Variants in ITGA9 observed in about 807,000 individuals in gnomAD.
ITGA9 encodes integrin subunit alpha 9.
ITGA9 carries 56 observed loss-of-function variants against 127.8 expected under a neutral mutation model. The ratio of observed to expected loss-of-function variants is 0.44; its 90% CI spans 0.35 to 0.55. The LOEUF (loss-of-function observed/expected upper bound fraction) is 0.55, where lower values mean the gene tolerates loss of function less well. ITGA9 is among the 20% of genes least tolerant of loss of function. The pLI is 0.00. For missense variants in ITGA9, 1,196 were observed against 1,347.1 expected, an observed-to-expected ratio of 0.89 and a Z score of 1.76; for synonymous variants, 508 against 514.5, an observed-to-expected ratio of 0.99 and a Z score of 0.17.
chr3:37,513,693 G>A, intron 8 of ITGA9, 70 bp from the exon 9 acceptor site: 1 of 1,598,688 alleles, frequency 6.3e-7, no homozygotes, highest in Non-Finnish European at 8.6e-7. Context: ...CAATGGGGTG[G>A]AGGAAAGCGA....
At chr3:37,546,243 T>G (rs1311319305) in intron 15 of ITGA9, among the ~76,000 whole-genome samples, 1 of 152,188 alleles carries the variant, frequency 6.6e-6, no homozygotes, top group African/African-American at 2.4e-5. Flanking sequence ...AAGTTGCTGA[T>G]AAAGCGCCCA....
chr3:37,536,649 TG>T (rs1029160593), intron 14 of ITGA9, among the ~76,000 whole-genome samples: 1 of 152,226 alleles, frequency 6.6e-6, no homozygotes, highest in Non-Finnish European at 1.5e-5. Flanking sequence ...GAGACCACAG[TG>T]CCTACTTGGT....
intron 17 of ITGA9, 52 bp downstream of exon 17, chr3:37,653,842 C>T (rs781711010): frequency 7.4e-7 from 1 of 1,343,668 alleles, no homozygotes; most frequent in Admixed American, 1.7e-5. Flanking sequence ...TTTTCTTGAC[C>T]CCAGGTCCCA....
intron 17 of ITGA9, among the ~76,000 whole-genome samples, chr3:37,657,172 C>T (rs1310956675): frequency 6.6e-6 from 1 of 152,056 alleles, no homozygotes; most frequent in Non-Finnish European, 1.5e-5. Flanking sequence ...TGTGTCTCTG[C>T]CAGGTTTTGG....
intron 14 of ITGA9, among the ~76,000 whole-genome samples, chr3:37,542,041 GC>G (rs1398431061): frequency 1.3e-5 from 2 of 152,186 alleles, no homozygotes; most frequent in Admixed American, 6.5e-5. Context: ...AATTTCAGCA[GC>G]TTCTGGTAAT....
intron 15 of ITGA9, among the ~76,000 whole-genome samples, chr3:37,590,292 C>G (rs1191826348): frequency 6.6e-6 from 1 of 152,174 alleles, no homozygotes; most frequent in Non-Finnish European, 1.5e-5. Flanking sequence ...CCCTGTTCTC[C>G]TGGCTGGCTT....
At chr3:37,470,004 C>T (rs1698410970) in intron 1 of ITGA9, among the ~76,000 whole-genome samples, 1 of 152,070 alleles carries the variant, frequency 6.6e-6, no homozygotes, top group African/African-American at 2.4e-5. Flanking sequence ...ACCATGTTGC[C>T]CAGACTGGTC....
intron 14 of ITGA9, among the ~76,000 whole-genome samples, chr3:37,534,270 C>G (rs886824118): frequency 6.6e-6 from 1 of 152,158 alleles, no homozygotes; most frequent in African/African-American, 2.4e-5. Flanking sequence ...GGGACCTGAA[C>G]CTACTGACGT....
Position 37,610,277 on chromosome 3 carries a change from AT to A in ITGA9, c.1690-18903del, listed in dbSNP as rs561510867. Among the ~76,000 whole-genome samples, 507 of 152,200 alleles carry A rather than the reference AT, an allele frequency of 3.3e-3. 7 individuals are homozygous for A. Among genetic ancestry groups the A allele is most frequent in the African/African-American group, 0.011 (469 of 41,532 alleles). ...ATTGTATTTACCCCAGAGGAAGATT[AT>A]TTTTTTCATTCTCTAAATTGTTTAA... is the stretch of plus-strand genomic sequence containing the variant. On this transcript the variant is annotated intron_variant, in intron 15 of 27. Coordinates refer to ENST00000264741, the MANE Select transcript of ITGA9 (RefSeq NM_002207.3).
intron 23 of ITGA9, among the ~76,000 whole-genome samples, chr3:37,760,076 C>A (rs1427734872): frequency 6.6e-6 from 1 of 151,782 alleles, no homozygotes; most frequent in African/African-American, 2.4e-5. Flanking sequence ...AAAAAATTAG[C>A]TGGGAGTGGT....
intron 2 of ITGA9, among the ~76,000 whole-genome samples, chr3:37,472,142 C>T (rs1254083315): frequency 6.6e-6 from 1 of 152,172 alleles, no homozygotes; most frequent in African/African-American, 2.4e-5. Flanking sequence ...TGACTGCATT[C>T]AAAGCCCAGC....
rs574305061 is a variant in ITGA9, at chr3:37,521,228, C to G, written c.1236+1874C>G. On this transcript the variant is annotated intron_variant, in intron 11 of 27. Transcript: ENST00000264741. ...AAAAAAAATTCTTTAATGGCAGATT[C>G]TTGCAGGCCCAGGTCCTGGACAGAG... Among the ~76,000 whole-genome samples the G allele has an allele frequency of 2.6e-5, 4 of 152,334 alleles. No individual in the cohort carries two copies. In the South Asian group the frequency reaches 8.3e-4, roughly 32 times the overall value.
rs1696538112 is a variant in ITGA9, at chr3:37,748,598, T to G, written c.2434-1864T>G. ...TCCCGTCTCTACTAAAATACAAAAA[T>G]TAGCCGGGGATGGTGGCAGCCACCT... is the stretch of plus-strand genomic sequence containing the variant. On this transcript the variant is annotated intron_variant, in intron 22 of 27. Coordinates refer to ENST00000264741, the MANE Select transcript of ITGA9 (RefSeq NM_002207.3). The G allele has an allele frequency of 8.4e-6, 4 of 477,180 alleles. No homozygotes were observed. In the South Asian group the frequency reaches 8.9e-5, roughly 11 times the overall value. 29.6% of individuals were successfully genotyped at this position (477,180 alleles called of 1,614,324 possible).
rs1248008353 is a variant in ITGA9 at position 37,822,718 on chromosome 3, A to G, written c.*3729A>G. 6.6e-6 allele frequency: 1 copy of G among 152,230 alleles called. No individual in the cohort carries two copies. Among genetic ancestry groups the G allele is most frequent in the Non-Finnish European group, 1.5e-5 (1 of 68,044 alleles). 9.4% of individuals were successfully genotyped at this position (152,230 alleles called of 1,614,324 possible). On this transcript the variant is annotated 3_prime_UTR_variant, in exon 28 of 28. Transcript: ENST00000264741. Reference sequence around the variant, plus strand: ...CCATGCGGAAGCATAGCAGATCCCCAGACGATCCGTGTGCTGTATGCTACC... The same window carrying G: ...CCATGCGGAAGCATAGCAGATCCCCGGACGATCCGTGTGCTGTATGCTACC...
intron 23 of ITGA9, among the ~76,000 whole-genome samples, chr3:37,764,466 TAAAAAAAAAA>T (rs10694316): frequency 6.7e-5 from 5 of 74,656 alleles, no homozygotes; most frequent in Admixed American, 5.2e-4. Flanking sequence ...AGATTCTCAG[TAAAAAAAAAA>T]AAAAAAAAAA....
intron 15 of ITGA9, among the ~76,000 whole-genome samples, chr3:37,612,634 G>A (rs1700034104): frequency 1.3e-5 from 2 of 152,344 alleles, no homozygotes; most frequent in South Asian, 4.1e-4. Flanking sequence ...CAGATGCCCT[G>A]AATTCTCTTC....
At chr3:37,653,592 A>G (rs1304989987) in intron 16 of ITGA9, 122 bp from the exon 17 acceptor site, 1 of 797,668 alleles carries the variant, frequency 1.3e-6, no homozygotes, top group African/African-American at 1.7e-5. Context: ...TGGAGGTGGG[A>G]GTAGAAGCCC....
rs770449623 is a variant in ITGA9 at position 37,819,026 on chromosome 3, G to A, written c.*37G>A. 32 of 1,392,596 alleles carry A rather than the reference G, an allele frequency of 2.3e-5. No individual in the cohort carries two copies. In the South Asian group the frequency reaches 3.7e-4, roughly 16 times the overall value. 86.3% of individuals were successfully genotyped at this position (1,392,596 alleles called of 1,614,324 possible). A position where few individuals can be genotyped will look rare whatever the true frequency, so the allele number is the denominator to read the frequency against. On this transcript the variant is annotated 3_prime_UTR_variant, in exon 28 of 28. Coordinates refer to ENST00000264741, the MANE Select transcript of ITGA9 (RefSeq NM_002207.3). ...AGTCACATGACCTGATCACTAGCCT[G>A]TCATCCTTGGTCTTTGTATCTTCCA...
At chr3:37,785,122 A>G in intron 26 of ITGA9, 44 bp downstream of exon 26, 1 of 1,347,466 alleles carries the variant, frequency 7.4e-7, no homozygotes, top group Non-Finnish European at 1.1e-6. Flanking sequence ...AGGGCAAGGG[A>G]AGCTGGGTGA....
Sources: gnomAD v4.1 joint callset for allele counts (sites outside exome capture counted in the v4.1 genomes callset) on GRCh38, gnomAD v4.1.1 for gene constraint, MANE v1.5 for transcripts, NCBI Gene and HGNC (gene_info 2026-07-23, HGNC 2026-07-21) for gene names.